Variants in KCP observed in about 807,000 individuals in gnomAD.
The protein encoded by KCP is kielin/chordin-like protein.
A neutral mutation model predicts 212.7 loss-of-function variants in KCP; 194 were observed. That is an observed-to-expected ratio of 0.91 (90% CI 0.81 to 1.03). KCP has a LOEUF of 1.03. Ranked by LOEUF, KCP falls within the 50% of genes least tolerant of loss-of-function variation. KCP has a pLI of 0.00. For missense variants in KCP, 2,080 were observed against 2,162.5 expected (o/e 0.96, Z 0.76); for synonymous variants, 833 against 865.3 (o/e 0.96, Z 0.65).
intron 8 of KCP, 43 bp from the exon 9 acceptor site, chr7:128,894,336 A>G (rs1446654697): frequency 2.1e-5 from 30 of 1,417,744 alleles, no homozygotes; most frequent in Non-Finnish European, 2.9e-5. Flanking sequence ...ACAGGGCTCA[A>G]CTGAGAGGTG....
At chr7:128,890,647 T>G (rs1286414823) in intron 20 of KCP, 134 bp from the exon 21 acceptor site, 33 of 180,240 alleles carry the variant, frequency 1.8e-4, no homozygotes, top group African/African-American at 1.0e-3. Flanking sequence ...GGGCTGGGGG[T>G]CCGTGAGGGC....
Position 128,907,298 on chromosome 7 carries a change from G to C in KCP, c.375C>G (p.His125Gln). The change falls in exon 3 of 40, where the codon CAC becomes CAG. Residue 125 changes from histidine to glutamine, a missense_variant. Physicochemically the swap from His to Gln is conservative, Grantham distance 24. Coordinates refer to ENST00000610776, the MANE Select transcript of KCP (RefSeq NM_001366122.1). ...TACVCQDGAA[H>Q]CGPQAHLPHC... Reference sequence around the variant, plus strand: ...GGGGCAGGTGTGCTTGGGGGCCACAGTGAGCGGCCCCATCCTGGCAGACGC... The same window carrying C: ...GGGGCAGGTGTGCTTGGGGGCCACACTGAGCGGCCCCATCCTGGCAGACGC... 1 of 1,537,842 alleles carries C rather than the reference G, an allele frequency of 6.5e-7. No individual in the cohort carries two copies. Among genetic ancestry groups the C allele is most frequent in the Non-Finnish European group, 8.8e-7 (1 of 1,136,150 alleles).
At chr7:128,901,474 A>G (rs899027156) in intron 8 of KCP, among the ~76,000 whole-genome samples, 8 of 152,006 alleles carry the variant, frequency 5.3e-5, no homozygotes, top group African/African-American at 1.7e-4. Context: ...AAAATACAAA[A>G]AATTAGCCAG....
intron 6 of KCP, 64 bp downstream of exon 6, chr7:128,903,992 G>A: frequency 1.4e-6 from 2 of 1,461,400 alleles, no homozygotes; most frequent in African/African-American, 1.4e-5. Flanking sequence ...GGCAGGCAGG[G>A]CCCAGGGCAG....
Position 128,891,681 on chromosome 7 carries a change from G to T in KCP, c.1760C>A (p.Pro587Gln). Residue 587 changes from proline (P) to glutamine (Q), a missense_variant, in exon 17 of 40, where the codon CCG becomes CAG. By Grantham distance (76) the Pro-to-Gln change is moderately conservative (BLOSUM62 -1). Transcript: ENST00000610776. The stretch of plus-strand genomic sequence containing the variant: ...GTTCGGGCAGCAGGTCCCAGGCAGC[G>T]GGTGGGCACAGGGGGCCCTGGGGCA... ...RPCPRAPCAHPLPGTCCPNDC... is the reference protein window; with the variant it reads ...RPCPRAPCAHQLPGTCCPNDC... 6.9e-7 allele frequency: 1 copy of T among 1,455,650 alleles called. No homozygotes were observed. The allele number at this position is 1,455,650 out of a possible 1,614,324, so 90.2% of individuals were successfully genotyped here. A position where few individuals can be genotyped will look rare whatever the true frequency, so the allele number is the denominator to read the frequency against.
chr7:128,884,595 T>C (rs561788292), intron 28 of KCP, among the ~76,000 whole-genome samples, 186 bp downstream of exon 28: 1 of 152,334 alleles, frequency 6.6e-6, no homozygotes, highest in East Asian at 1.9e-4. Context: ...CTGCGCTCCT[T>C]GTCTAAACCC....
At chr7:128,880,141 C>T in intron 34 of KCP, 56 bp from the exon 35 acceptor site, 1 of 1,455,642 alleles carries the variant, frequency 6.9e-7, no homozygotes, top group Non-Finnish European at 9.1e-7. Context: ...ATGCCTCTCG[C>T]AGACCCTCCC....
intron 21 of KCP, 22 bp downstream of exon 21, chr7:128,890,321 C>CTCCCTA: frequency 6.4e-7 from 1 of 1,551,582 alleles, no homozygotes; most frequent in Non-Finnish European, 8.7e-7. Context: ...ACCCCGGCAG[C>CTCCCTA]TCCCTATCCC....
Position 128,891,065 on chromosome 7 carries a change from G to A in KCP, c.2004C>T (p.Pro668=), listed in dbSNP as rs1244263769. The change falls in exon 20 of 40, where the codon CCC becomes CCT. Residue 668 remains proline, a synonymous_variant. Transcript: ENST00000610776. ...CCTGGTGGCGGGCGTGGGCCGCGCC[G>A]GGCCGTGGGCAGCCGGCGGGGGCTG... ...AAPAPAGCPR[P]GAAHARHQEY... The A allele has an allele frequency of 9.3e-6, 13 of 1,405,364 alleles. No homozygotes were observed. Among genetic ancestry groups the A allele is most frequent in the South Asian group, 3.1e-5 (2 of 63,702 alleles). The allele number at this position is 1,405,364 out of a possible 1,614,324, so 87.1% of individuals were successfully genotyped here.
rs527290475 is a variant in KCP, at chr7:128,886,969, G to A, written c.2599-3C>T. 6.8e-5 allele frequency: 98 copies of A among 1,450,688 alleles called. No homozygotes were observed. In the African/African-American group the frequency reaches 1.2e-3, roughly 18 times the overall value. The allele number at this position is 1,450,688 out of a possible 1,614,324, so 89.9% of individuals were successfully genotyped here. ...TTCTGGCAGCGCATGGAACCTTCCTGGGGGAGAGAGGCCCATCACACCCTC... is the reference window on the plus strand; with the variant it reads ...TTCTGGCAGCGCATGGAACCTTCCTAGGGGAGAGAGGCCCATCACACCCTC... On this transcript the variant is annotated splice_polypyrimidine_tract_variant and splice_region_variant and intron_variant, in intron 23 of 39. Coordinates refer to ENST00000610776, the MANE Select transcript of KCP (RefSeq NM_001366122.1).
rs1563025550 is a variant in KCP, at chr7:128,885,215, GTCGGGGGGCACCCATCTACTGCCT to G, written c.2898_2921del (p.Glu966_Pro973del). 9 of 1,550,716 alleles carry G rather than the reference GTCGGGGGGCACCCATCTACTGCCT, an allele frequency of 5.8e-6. No homozygotes were observed. Among genetic ancestry groups the G allele is most frequent in the Middle Eastern group, 1.7e-4 (1 of 5,986 alleles). On this transcript the variant is annotated inframe_deletion, in exon 27 of 40. Transcript: ENST00000610776. Reference sequence around the variant, plus strand: ...GACACACACAGGAGGAGCAGGCACTGTCGGGGGGCACCCATCTACTGCCTTCGGGGTGCTCTTCCCCATGAGCCA... The same window carrying G: ...GACACACACAGGAGGAGCAGGCACTGTCGGGGTGCTCTTCCCCATGAGCCA...
intron 1 of KCP, among the ~76,000 whole-genome samples, chr7:128,910,394 C>G (rs370817666): frequency 6.6e-5 from 10 of 152,270 alleles, no homozygotes; most frequent in East Asian, 3.8e-4. Flanking sequence ...GAACCGCCCC[C>G]CTCTCCTGAA....
intron 37 of KCP, 195 bp from the exon 38 acceptor site, chr7:128,878,917 G>A: frequency 1.8e-6 from 1 of 553,374 alleles, no homozygotes; most frequent in Non-Finnish European, 3.1e-6. Flanking sequence ...CCAGCCCTGG[G>A]CAAAGACAGA....
In KCP at chr7:128,908,472, T is replaced by C. The variant is rs1288936665; in HGVS notation, c.173A>G (p.Glu58Gly). The C allele has an allele frequency of 6.4e-7, 1 of 1,551,882 alleles. No homozygotes were observed. Reference protein sequence around the residue: ...NSQEQWHPLREWLGRLEAAVM... With the variant: ...NSQEQWHPLRGWLGRLEAAVM... ...TGCAGCCTCCAGTCGCCCCAGCCAC[T>C]CTCGCAGGGGGTGCCACTGCTCCTG... is the stretch of plus-strand genomic sequence containing the variant. Residue 58 changes from glutamate to glycine, a missense_variant, in exon 2 of 40, where the codon GAG (glutamate) becomes GGG (glycine). By Grantham distance (98) the Glu-to-Gly change is moderately conservative. Transcript: ENST00000610776.
At chr7:128,904,414 C>A in intron 5 of KCP, 2 of 1,425,472 alleles carry the variant, frequency 1.4e-6, no homozygotes, top group Middle Eastern at 1.7e-4. Context: ...CCCTCCCTTC[C>A]CCCACCATCC....
At chr7:128,887,033 T>C (rs1165521627) in intron 23 of KCP, 67 bp from the exon 24 acceptor site, 7 of 1,055,884 alleles carry the variant, frequency 6.6e-6, no homozygotes, top group Admixed American at 2.1e-5. Context: ...GAGCCCCTAC[T>C]GAGCCTGCAG....
chr7:128,878,881 C>T (rs1314935387), intron 37 of KCP, 159 bp from the exon 38 acceptor site: 2 of 683,382 alleles, frequency 2.9e-6, no homozygotes, highest in Non-Finnish European at 4.7e-6. Flanking sequence ...ACCACCCTGG[C>T]CAAGGCCAAG....
In KCP at chr7:128,880,445, A is replaced by T. The variant is rs769065978; in HGVS notation, c.3700T>A (p.Cys1234Ser). 6 of 1,547,538 alleles carry T rather than the reference A, an allele frequency of 3.9e-6. No homozygotes were observed. Among genetic ancestry groups the T allele is most frequent in the Non-Finnish European group, 5.2e-6 (6 of 1,145,166 alleles). The change falls in exon 34 of 40, where the codon TGC becomes AGC. Residue 1234 changes from cysteine to serine, a missense_variant. Physicochemically the swap from Cys to Ser is moderately radical, Grantham distance 112 (BLOSUM62 -1). Transcript: ENST00000610776. ...TGGCAACGCACGGTGCCCGCCATGC[A>T]GGAGCAGCTGGTGCAGGTGTCCACA... ...WTVDTCTSCS[C>S]MAGTVRCQSQ...
In KCP at chr7:128,884,148, G is replaced by C. The variant is rs536824203; in HGVS notation, c.3124-26C>G. On this transcript the variant is annotated intron_variant, in intron 28 of 39. Coordinates refer to ENST00000610776, the MANE Select transcript of KCP (RefSeq NM_001366122.1). Reference sequence around the variant, plus strand: ...CTACAAGAATGAGTGAGCAGCGGTGGGTCCTGGGCCACAAAAACCCAGAGC... The same window carrying C: ...CTACAAGAATGAGTGAGCAGCGGTGCGTCCTGGGCCACAAAAACCCAGAGC... 7 of 1,520,742 alleles carry C rather than the reference G, an allele frequency of 4.6e-6. No homozygotes were observed. In the South Asian group the frequency reaches 7.4e-5, roughly 16 times the overall value. 94.2% of individuals were successfully genotyped at this position (1,520,742 alleles called of 1,614,324 possible). A position where few individuals can be genotyped will look rare whatever the true frequency, so the allele number is the denominator to read the frequency against.
Sources: allele counts gnomAD v4.1 joint callset (sites outside exome capture counted in the v4.1 genomes callset), GRCh38; gene constraint gnomAD v4.1.1; transcripts MANE v1.5; gene names NCBI Gene and HGNC (gene_info 2026-07-23, HGNC 2026-07-21).